The following PCDHGA11 variants were observed in gnomAD, a reference collection of about 807,000 sequenced individuals.
PCDHGA11 encodes protocadherin gamma subfamily A, 11, also known as protocadherin gamma-A11.
Under a neutral mutation model 60.4 loss-of-function variants are expected in PCDHGA11, and 39 were observed. The ratio of observed to expected loss-of-function variants is 0.65; its 90% CI spans 0.50 to 0.84. PCDHGA11 has a LOEUF of 0.84. Ranked by LOEUF, PCDHGA11 falls within the 40% of genes least tolerant of loss-of-function variation. The probability of loss-of-function intolerance (pLI) is 0.00; values close to 1 mark genes in which losing one functional copy is unlikely to be tolerated. For missense variants in PCDHGA11, 1,165 were observed against 1,197.7 expected, an observed-to-expected ratio of 0.97 and a Z score of 0.40; for synonymous variants, 533 against 510.3, an observed-to-expected ratio of 1.04 and a Z score of -0.60.
At position 141,421,402 on chromosome 5, in the gene PCDHGA11, G is replaced by A. The variant is rs2096569907; in HGVS notation, c.175G>A (p.Glu59Lys). 1 of 1,614,076 alleles carries A rather than the reference G, an allele frequency of 6.2e-7. No homozygotes were observed. Among genetic ancestry groups the A allele is most frequent in the Non-Finnish European group, 8.5e-7 (1 of 1,179,926 alleles). The change falls in exon 1 of 4, where the codon GAG (glutamate) becomes AAG (lysine). Residue 59 changes from glutamate (E) to lysine (K), a missense_variant. Coordinates refer to ENST00000398587, the MANE Select transcript of PCDHGA11 (RefSeq NM_018914.3). ...ISKDLGLEPR[E>K]LAKRGVRIVS... ...CAAGGACCTGGGGCTGGAGCCCCGG[G>A]AGCTGGCGAAGCGCGGAGTCCGCAT...
In PCDHGA11 at chr5:141,493,482, G is replaced by T. The variant is rs184736387; in HGVS notation, c.2434-1325G>T. The stretch of plus-strand genomic sequence containing the variant: ...TTTTAGGACCTTACATGTGGGGAAA[G>T]TCTTCTGTGGCTCCTCATTTCTGAG... On this transcript the variant is annotated intron_variant, in intron 1 of 3. Coordinates refer to ENST00000398587, the MANE Select transcript of PCDHGA11 (RefSeq NM_018914.3). The surrounding 1 kb of genome is among the most constrained non-coding windows in gnomAD (Gnocchi z 4.3). 6.6e-6 allele frequency among the ~76,000 whole-genome samples: 1 copy of T among 152,206 alleles called. No individual in the cohort carries two copies. Among genetic ancestry groups the T allele is most frequent in the Admixed American group, 6.5e-5 (1 of 15,282 alleles).
At position 141,486,449 on chromosome 5, in the gene PCDHGA11, A is replaced by G; in HGVS notation, c.2434-8358A>G. On this transcript the variant is annotated intron_variant, in intron 1 of 3. Coordinates refer to ENST00000398587, the MANE Select transcript of PCDHGA11 (RefSeq NM_018914.3). The surrounding 1 kb of genome is among the most constrained non-coding windows in gnomAD (Gnocchi z 5.0). The stretch of plus-strand genomic sequence containing the variant: ...CAAATCTAGCTATGACATCATGGTC[A>G]CTGCTTCTGATGCTGGGAACCCTCC... The G allele has an allele frequency of 6.2e-7, 1 of 1,614,184 alleles. No homozygotes were observed. Among genetic ancestry groups the G allele is most frequent in the Non-Finnish European group, 8.5e-7 (1 of 1,180,000 alleles).
At chr5:141,478,417 C>G in intron 1 of PCDHGA11, 1 of 1,613,652 alleles carries the variant, frequency 6.2e-7, no homozygotes, top group Non-Finnish European at 8.5e-7. Context: ...CGGACTCCCG[C>G]CGCAGCGACC....
intron 2 of PCDHGA11, among the ~76,000 whole-genome samples, chr5:141,500,184 TTTTATTTA>T (rs58019021): frequency 0.099 from 13,469 of 135,812 alleles, 757 homozygotes; most frequent in African/African-American, 0.15. Context: ...TCATTTTTAT[TTTTATTTA>T]TTTATTTATT....
intron 1 of PCDHGA11, among the ~76,000 whole-genome samples, chr5:141,448,344 A>G (rs2098583423): frequency 6.6e-6 from 1 of 152,080 alleles, no homozygotes; most frequent in Admixed American, 6.6e-5. Flanking sequence ...CATGTACCTC[A>G]ATCTTAGTAG....
intron 2 of PCDHGA11, among the ~76,000 whole-genome samples, chr5:141,497,980 G>A (rs983045402): frequency 2.0e-5 from 3 of 152,168 alleles, no homozygotes; most frequent in African/African-American, 7.2e-5. Context: ...GATGTGGGAG[G>A]CCCCTGCCCT....
At chr5:141,467,747 C>T (rs56743829) in intron 1 of PCDHGA11, among the ~76,000 whole-genome samples, 7,097 of 152,110 alleles carry the variant, frequency 0.047, 213 homozygotes, top group Middle Eastern at 0.092. Context: ...CTGCAACCTC[C>T]GCCTCACATG....
chr5:141,494,899 C>T, intron 2 of PCDHGA11, 34 bp downstream of exon 2: 1 of 1,614,116 alleles, frequency 6.2e-7, no homozygotes, highest in Non-Finnish European at 8.5e-7. Context: ...ACCCTCTTCT[C>T]TGCGGCATTT....
Position 141,431,021 on chromosome 5 carries a change from G to A in PCDHGA11, c.2433+7361G>A. On this transcript the variant is annotated intron_variant, in intron 1 of 3. Coordinates refer to ENST00000398587, the MANE Select transcript of PCDHGA11 (RefSeq NM_018914.3). This position sits in a 1 kb window ranked among gnomAD's most constrained non-coding sequence, Gnocchi z 4.8. ...GCGCAGCGGCAGCTTGGTCACGGCG[G>A]GCAGGATAGACCGGGAGGAGCTCTG... is the stretch of plus-strand genomic sequence containing the variant. 1 of 1,613,940 alleles carries A rather than the reference G, an allele frequency of 6.2e-7. No individual in the cohort carries two copies. Among genetic ancestry groups the A allele is most frequent in the Non-Finnish European group, 8.5e-7 (1 of 1,179,936 alleles).
chr5:141,472,145 A>C (rs1376068421), intron 1 of PCDHGA11, among the ~76,000 whole-genome samples: 1 of 152,244 alleles, frequency 6.6e-6, no homozygotes, highest in Non-Finnish European at 1.5e-5. Context: ...TAAAAGTTTC[A>C]TGGTTACATA....
rs765586654 is a variant in PCDHGA11 at position 141,421,994 on chromosome 5, T to C, written c.767T>C (p.Ile256Thr). 8 of 1,608,922 alleles carry C rather than the reference T, an allele frequency of 5.0e-6. No homozygotes were observed. In the African/African-American group the frequency reaches 5.4e-5, roughly 11 times the overall value. The change falls in exon 1 of 4, where the codon ATC becomes ACC. Residue 256 changes from isoleucine (I) to threonine (T), a missense_variant. Coordinates refer to ENST00000398587, the MANE Select transcript of PCDHGA11 (RefSeq NM_018914.3). ...SVYRVSVPEN[I>T]SSGTRVLMVN... ...TATCGCGTGAGTGTTCCAGAAAACA[T>C]CAGCTCCGGAACTCGGGTGCTGATG...
rs537755017 is a variant in PCDHGA11 at position 141,491,797 on chromosome 5, G to A, written c.2434-3010G>A. 16 of 1,506,818 alleles carry A rather than the reference G, an allele frequency of 1.1e-5. No individual in the cohort carries two copies. In the Admixed American group the frequency reaches 2.2e-4, roughly 20 times the overall value. The allele number at this position is 1,506,818 out of a possible 1,614,324, so 93.3% of individuals were successfully genotyped here. A position where few individuals can be genotyped will look rare whatever the true frequency, so the allele number is the denominator to read the frequency against. ...ATTGAACTTGCATCCACTCCTCTCC[G>A]GCCGGCTTGGTCGCTGGCTGCGCTC... On this transcript the variant is annotated intron_variant, in intron 1 of 3. Transcript: ENST00000398587. The surrounding 1 kb of genome is among the most constrained non-coding windows in gnomAD (Gnocchi z 6.9).
chr5:141,475,424 T>C (rs2099363271), intron 1 of PCDHGA11, among the ~76,000 whole-genome samples: 1 of 152,244 alleles, frequency 6.6e-6, no homozygotes, highest in African/African-American at 2.4e-5. Context: ...CTCCTGCTAA[T>C]TTGATAGTAG....
chr5:141,438,895 A>C (rs2098073582), intron 1 of PCDHGA11, among the ~76,000 whole-genome samples: 1 of 151,640 alleles, frequency 6.6e-6, no homozygotes, highest in Non-Finnish European at 1.5e-5. Flanking sequence ...TGAACTCCTG[A>C]CCTCAGGTGA....
intron 3 of PCDHGA11, among the ~76,000 whole-genome samples, chr5:141,507,714 C>T (rs1425955843): frequency 6.6e-6 from 1 of 152,280 alleles, no homozygotes; most frequent in Non-Finnish European, 1.5e-5. Flanking sequence ...GCCCCAAACC[C>T]TCCAAGCAAG....
intron 1 of PCDHGA11, among the ~76,000 whole-genome samples, chr5:141,448,274 T>G (rs2098579713): frequency 6.6e-6 from 1 of 152,196 alleles, no homozygotes; most frequent in South Asian, 2.1e-4. Context: ...TATATACTGT[T>G]GTGCAACTTG....
In PCDHGA11 at chr5:141,432,958, A is replaced by C; in HGVS notation, c.2433+9298A>C. 6.2e-7 allele frequency: 1 copy of C among 1,614,182 alleles called. No individual in the cohort carries two copies. Among genetic ancestry groups the C allele is most frequent in the African/African-American group, 1.3e-5 (1 of 75,056 alleles). On this transcript the variant is annotated intron_variant, in intron 1 of 3. Transcript: ENST00000398587. This position sits in a 1 kb window ranked among gnomAD's most constrained non-coding sequence, Gnocchi z 6.0. ...TGCAGGCTTCAGGAGGCGGCTTGAC[A>C]GGAGCGCCGGCGTCGCACTTTGTGG...
intron 1 of PCDHGA11, chr5:141,441,665 A>G (rs994092543): frequency 2.3e-5 from 6 of 265,720 alleles, no homozygotes; most frequent in Non-Finnish European, 3.7e-5. Context: ...CCTTGAGCGC[A>G]CAGTGCGCCT....
chr5:141,474,772 G>A (rs1053853138), intron 1 of PCDHGA11, among the ~76,000 whole-genome samples: 2 of 152,182 alleles, frequency 1.3e-5, no homozygotes, highest in Non-Finnish European at 2.9e-5. Flanking sequence ...AATAGTATGA[G>A]GCTCTAACAC....
Sources: allele counts gnomAD v4.1 joint callset (sites outside exome capture counted in the v4.1 genomes callset), GRCh38; gene constraint gnomAD v4.1.1; non-coding constraint Gnocchi (gnomAD v3.1); transcripts MANE v1.5; gene names NCBI Gene and HGNC (gene_info 2026-07-23, HGNC 2026-07-21).